Variants in RASSF9 observed in about 807,000 individuals in gnomAD.
RASSF9 encodes the protein Ras association domain family member 9.
RASSF9 carries 18 observed loss-of-function variants against 21.4 expected under a neutral mutation model. The ratio of observed to expected loss-of-function variants is 0.84; its 90% confidence interval spans 0.58 to 1.25. The LOEUF (loss-of-function observed/expected upper bound fraction) is 1.25. RASSF9 is among the 50% of genes most tolerant of loss of function. The pLI is 0.00. For missense variants in RASSF9, 480 were observed against 503.2 expected (o/e 0.95, Z 0.44); for synonymous variants, 183 against 179.1 (o/e 1.02, Z -0.18).
Position 85,804,623 on chromosome 12 carries a change from G to T in RASSF9, c.*79C>A. On this transcript the variant is annotated 3_prime_UTR_variant, in exon 2 of 2. Coordinates refer to ENST00000361228, the MANE Select transcript of RASSF9 (RefSeq NM_005447.4). Reference sequence around the variant, plus strand: ...CAATATGATTTACATTTTTTTGAGTGTTATATTTAAAATGAGGTTTCCTAT... The same window carrying T: ...CAATATGATTTACATTTTTTTGAGTTTTATATTTAAAATGAGGTTTCCTAT... 1.5e-6 allele frequency: 2 copies of T among 1,335,040 alleles called. No homozygotes were observed. The highest frequency in any genetic ancestry group is 2.0e-6 in the Non-Finnish European group (2 of 988,688). The allele number at this position is 1,335,040 out of a possible 1,614,324, so 82.7% of individuals were successfully genotyped here. A position where few individuals can be genotyped will look rare whatever the true frequency, so the allele number is the denominator to read the frequency against.
Position 85,805,982 on chromosome 12 carries a change from A to G in RASSF9, c.48-20T>C, listed in dbSNP as rs750570634. The G allele has an allele frequency of 5.7e-6, 9 of 1,589,518 alleles. No individual in the cohort carries two copies. Among genetic ancestry groups the G allele is most frequent in the Middle Eastern group, 1.7e-4 (1 of 5,914 alleles). ...GGAGATCTGAAAGAAAAACAAAAGCACATTATATTTCTGTCATTGCCTGTG... is the reference window on the plus strand; with the variant it reads ...GGAGATCTGAAAGAAAAACAAAAGCGCATTATATTTCTGTCATTGCCTGTG... On this transcript the variant is annotated intron_variant, in intron 1 of 1. Coordinates refer to ENST00000361228, the MANE Select transcript of RASSF9 (RefSeq NM_005447.4).
intron 1 of RASSF9, among the ~76,000 whole-genome samples, chr12:85,820,954 G>A (rs1880195097): frequency 6.6e-6 from 1 of 151,966 alleles, no homozygotes; most frequent in Non-Finnish European, 1.5e-5. Context: ...GACCATCCTG[G>A]CCAACATGGT....
intron 1 of RASSF9, among the ~76,000 whole-genome samples, chr12:85,806,657 C>T (rs1173602331): frequency 1.8e-5 from 2 of 110,692 alleles, no homozygotes; most frequent in Admixed American, 1.3e-4. Flanking sequence ...TGGGCAACAG[C>T]GTGAGACTCC....
chr12:85,822,649 A>G (rs763312341), intron 1 of RASSF9, among the ~76,000 whole-genome samples: 5 of 152,146 alleles, frequency 3.3e-5, no homozygotes, highest in Non-Finnish European at 7.4e-5. Flanking sequence ...TTTCTTCCCT[A>G]GGTTTTAAAC....
At chr12:85,820,717 A>G (rs778850509) in intron 1 of RASSF9, among the ~76,000 whole-genome samples, 1 of 152,156 alleles carries the variant, frequency 6.6e-6, no homozygotes, top group Non-Finnish European at 1.5e-5. Flanking sequence ...ACATTAAAAA[A>G]TTTTTTTCAG....
Position 85,803,957 on chromosome 12 carries a change from G to A in RASSF9, c.*745C>T, listed in dbSNP as rs1303546697. ...TGTAACCCACACTATACCTCACTCA[G>A]TGAATGAACATGGGTTTGGTCAGGA... On this transcript the variant is annotated 3_prime_UTR_variant, in exon 2 of 2. Transcript: ENST00000361228. 1.3e-5 allele frequency: 2 copies of A among 152,190 alleles called. No individual in the cohort carries two copies. The highest frequency in any genetic ancestry group is 4.8e-5 in the African/African-American group (2 of 41,452). The allele number at this position is 152,190 out of a possible 1,614,324, so 9.4% of individuals were successfully genotyped here. A position where few individuals can be genotyped will look rare whatever the true frequency, so the allele number is the denominator to read the frequency against.
chr12:85,811,483 A>C (rs1446004914), intron 1 of RASSF9, among the ~76,000 whole-genome samples: 3 of 151,922 alleles, frequency 2.0e-5, no homozygotes, highest in Admixed American at 2.0e-4. Context: ...ATGGGATTCC[A>C]AATTTATTAC....
At chr12:85,813,121 G>A (rs1390502282) in intron 1 of RASSF9, among the ~76,000 whole-genome samples, 2 of 151,684 alleles carry the variant, frequency 1.3e-5, no homozygotes, top group African/African-American at 4.8e-5. Context: ...AATTATTCAG[G>A]TTTTGCCTTT....
intron 1 of RASSF9, among the ~76,000 whole-genome samples, chr12:85,825,220 A>G (rs1470893866): frequency 6.6e-6 from 1 of 152,134 alleles, no homozygotes; most frequent in Admixed American, 6.6e-5. Context: ...TACTTCTACA[A>G]AATCTAATGT....
intron 1 of RASSF9, among the ~76,000 whole-genome samples, chr12:85,823,543 C>G (rs770007372): frequency 6.6e-6 from 1 of 152,162 alleles, no homozygotes; most frequent in Non-Finnish European, 1.5e-5. Context: ...CAGTTCTTCC[C>G]GTTAAGAGAA....
intron 1 of RASSF9, among the ~76,000 whole-genome samples, chr12:85,813,112 A>C (rs903443881): frequency 6.6e-6 from 1 of 151,876 alleles, no homozygotes; most frequent in Admixed American, 6.6e-5. Flanking sequence ...CACCAGTTTA[A>C]TTATTCAGGT....
In RASSF9 at chr12:85,804,986, C is replaced by A. The variant is rs1372609099; in HGVS notation, c.1024G>T (p.Glu342Ter). The change falls in exon 2 of 2, where the codon GAG (glutamate) becomes TAG (stop). Residue 342 changes from glutamate (E) to a stop codon, truncating the protein, a stop_gained. Transcript: ENST00000361228. LOFTEE classifies it high-confidence loss of function. ...AGCAATGAGTCACTGTATTTAATCT[C>A]TTTCTGGATGCCACTCAAATGAGAG... ...IHSHLSGIQKEIKYSDSLLQM... is the reference protein window; with the variant it reads ...IHSHLSGIQK 2.5e-6 allele frequency: 4 copies of A among 1,613,810 alleles called. No homozygotes were observed. The Admixed American group carries it at 6.7e-5, about 27-fold the overall frequency.
chr12:85,832,866 C>T (rs369008015), intron 1 of RASSF9, among the ~76,000 whole-genome samples: 25 of 151,876 alleles, frequency 1.6e-4, no homozygotes, highest in South Asian at 4.2e-4. Context: ...CTCTTAAAAC[C>T]GAAGTCTTCC....
rs574699252 is a variant in RASSF9 at position 85,811,316 on chromosome 12, T to C, written c.48-5354A>G. 6.6e-5 allele frequency among the ~76,000 whole-genome samples: 10 copies of C among 151,896 alleles called. No individual in the cohort carries two copies. In the South Asian group the frequency reaches 1.9e-3, roughly 28 times the overall value. On this transcript the variant is annotated intron_variant, in intron 1 of 1. Transcript: ENST00000361228. Reference sequence around the variant, plus strand: ...CTGAAGGCAGATGATAAAATTGATATTGATGTTGGTTCCAGGAGTGATCCT... The same window carrying C: ...CTGAAGGCAGATGATAAAATTGATACTGATGTTGGTTCCAGGAGTGATCCT...
At chr12:85,826,924 T>C (rs1255980813) in intron 1 of RASSF9, among the ~76,000 whole-genome samples, 1 of 152,204 alleles carries the variant, frequency 6.6e-6, no homozygotes, top group Non-Finnish European at 1.5e-5. Flanking sequence ...GATACTATTA[T>C]GCCAAATATT....
intron 1 of RASSF9, among the ~76,000 whole-genome samples, chr12:85,818,773 A>G (rs1463045970): frequency 6.6e-6 from 1 of 151,796 alleles, no homozygotes; most frequent in East Asian, 1.9e-4. Context: ...ATCCTGGCCA[A>G]CATGGTGAAA....
At chr12:85,805,998 A>G (rs1376554855) in intron 1 of RASSF9, 36 bp from the exon 2 acceptor site, 1 of 1,560,112 alleles carries the variant, frequency 6.4e-7, no homozygotes, top group Non-Finnish European at 8.7e-7. Flanking sequence ...TATTTCTGTC[A>G]TTGCCTGTGT....
chr12:85,820,557 A>C (rs1880183756), intron 1 of RASSF9, among the ~76,000 whole-genome samples: 2 of 152,120 alleles, frequency 1.3e-5, no homozygotes, highest in Admixed American at 6.5e-5. Flanking sequence ...CACAAATTCA[A>C]CTTTTTTTAC....
At chr12:85,822,363 C>G (rs1179383752) in intron 1 of RASSF9, among the ~76,000 whole-genome samples, 1 of 152,046 alleles carries the variant, frequency 6.6e-6, no homozygotes, top group African/African-American at 2.4e-5. Context: ...TGAGGTGAGC[C>G]CCGTTATCCC....
Sources: gnomAD v4.1 joint callset for allele counts (sites outside exome capture counted in the v4.1 genomes callset) on GRCh38, gnomAD v4.1.1 for gene constraint, MANE v1.5 for transcripts, NCBI Gene and HGNC (gene_info 2026-07-23, HGNC 2026-07-21) for gene names.